The following WWOX variants were observed in gnomAD, a reference collection of about 807,000 sequenced individuals.
WWOX encodes WW domain-containing oxidoreductase.
Under a neutral mutation model 46.2 loss-of-function variants are expected in WWOX, and 69 were observed. That is an observed-to-expected ratio of 1.49 (90% CI 1.23 to 1.82). The LOEUF is 1.82. Ranked by LOEUF, WWOX falls within the 40% of genes most tolerant of loss-of-function variation. The pLI is 0.00. For missense variants in WWOX, 919 were observed against 542.6 expected, an observed-to-expected ratio of 1.69 and a Z score of -6.89; for synonymous variants, 359 against 202.6, an observed-to-expected ratio of 1.77 and a Z score of -6.56.
intron 4 of WWOX, among the ~76,000 whole-genome samples, chr16:78,149,778 C>A (rs1433774926): frequency 6.6e-6 from 1 of 152,142 alleles, no homozygotes; most frequent in Non-Finnish European, 1.5e-5. Flanking sequence ...AGTCAAGACC[C>A]TGTGGGGTGT....
At chr16:78,812,297 C>CA (rs1268126603) in intron 8 of WWOX, among the ~76,000 whole-genome samples, 1 of 152,140 alleles carries the variant, frequency 6.6e-6, no homozygotes, top group Admixed American at 6.6e-5. Flanking sequence ...AGCAGCCAGC[C>CA]ACAGGCCATC....
At chr16:78,509,510 A>G (rs1441013651) in intron 8 of WWOX, among the ~76,000 whole-genome samples, 1 of 152,000 alleles carries the variant, frequency 6.6e-6, no homozygotes, top group African/African-American at 2.4e-5. Flanking sequence ...ACCGCATGTG[A>G]CTATTAGCTG....
intron 5 of WWOX, among the ~76,000 whole-genome samples, chr16:78,185,921 C>G (rs960349187): frequency 6.6e-6 from 1 of 152,158 alleles, no homozygotes. Context: ...CCGCCTCGGC[C>G]TCCGAAAGCG....
At chr16:79,104,233 A>G (rs975198967) in intron 8 of WWOX, among the ~76,000 whole-genome samples, 5 of 152,198 alleles carry the variant, frequency 3.3e-5, no homozygotes, top group Non-Finnish European at 7.3e-5. Flanking sequence ...ATGTGGTAAC[A>G]TAGGGTTGCC....
chr16:78,895,210 C>A (rs536416560), intron 8 of WWOX, among the ~76,000 whole-genome samples: 1 of 152,320 alleles, frequency 6.6e-6, no homozygotes. Flanking sequence ...AGAATCTGGG[C>A]TTACCCAGTT....
chr16:79,145,628 CAA>C (rs1005610649), intron 8 of WWOX, among the ~76,000 whole-genome samples: 1 of 151,842 alleles, frequency 6.6e-6, no homozygotes, highest in South Asian at 2.1e-4. Flanking sequence ...TACAGTAAGA[CAA>C]AAAAAGTCTT....
intron 8 of WWOX, among the ~76,000 whole-genome samples, chr16:78,601,441 G>GGA (rs111564084): frequency 1.5e-4 from 21 of 144,046 alleles, no homozygotes; most frequent in Admixed American, 4.8e-4. Flanking sequence ...CCAGCAGAGA[G>GGA]AAAAAAAAAA....
rs1280504396 is a variant in WWOX at position 78,871,702 on chromosome 16, C to A, written c.1057-339906C>A. On this transcript the variant is annotated intron_variant, in intron 8 of 8. Transcript: ENST00000566780. ...GCAACCTCTGCCTTCTGGGTTCAAGCAATTCTCCTGCCTCAGCCTTCCAAG... is the reference window on the plus strand; with the variant it reads ...GCAACCTCTGCCTTCTGGGTTCAAGAAATTCTCCTGCCTCAGCCTTCCAAG... Among the ~76,000 whole-genome samples the A allele has an allele frequency of 3.9e-5, 6 of 152,178 alleles. No individual in the cohort carries two copies. The East Asian group carries it at 1.2e-3, about 29-fold the overall frequency.
chr16:78,333,043 C>CTTTTGTTTTTTTT (rs2080797895), intron 5 of WWOX, among the ~76,000 whole-genome samples: 1 of 57,094 alleles, frequency 1.8e-5, no homozygotes. Context: ...GAGCATTATA[C>CTTTTGTTTTTTTT]TTTTTTTTTT....
intron 8 of WWOX, among the ~76,000 whole-genome samples, chr16:78,964,951 G>T (rs2046337657): frequency 1.3e-5 from 2 of 152,248 alleles, no homozygotes; most frequent in South Asian, 2.1e-4. Context: ...TGTTGAGTGT[G>T]TGGGGGCACA....
intron 8 of WWOX, among the ~76,000 whole-genome samples, chr16:79,166,746 T>C (rs1273600240): frequency 6.6e-6 from 1 of 152,198 alleles, no homozygotes; most frequent in African/African-American, 2.4e-5. Context: ...AGATTATTCA[T>C]TACAATGAAG....
At chr16:78,710,237 G>C (rs1350302807) in intron 8 of WWOX, among the ~76,000 whole-genome samples, 3 of 151,516 alleles carry the variant, frequency 2.0e-5, no homozygotes, top group African/African-American at 7.3e-5. Flanking sequence ...CCTGGGGACT[G>C]GTTTCCTGAA....
intron 8 of WWOX, among the ~76,000 whole-genome samples, chr16:79,083,994 G>A (rs2048809119): frequency 6.6e-6 from 1 of 152,210 alleles, no homozygotes; most frequent in Non-Finnish European, 1.5e-5. Context: ...TGTAGTTTCT[G>A]TGGGGGCTGT....
intron 4 of WWOX, among the ~76,000 whole-genome samples, chr16:78,147,261 A>G (rs924853457): frequency 6.6e-6 from 1 of 151,978 alleles, no homozygotes; most frequent in Non-Finnish European, 1.5e-5. Context: ...AGTTTTTTAC[A>G]TTTTGCCTCT....
rs573471449 is a variant in WWOX, at chr16:78,869,648, AT to A, written c.1057-341955del. On this transcript the variant is annotated intron_variant, in intron 8 of 8. Coordinates refer to ENST00000566780, the MANE Select transcript of WWOX (RefSeq NM_016373.4). ...CATGATGGGTTACTGATTCTGCGGT[AT>A]TTTTGTGGACGTGGGGAGTGGTGGC... Among the ~76,000 whole-genome samples the A allele has an allele frequency of 1.9e-3, 293 of 152,244 alleles. 1 individual carries two copies. Among genetic ancestry groups the A allele is most frequent in the African/African-American group, 6.7e-3 (279 of 41,544 alleles).
chr16:79,007,635 C>T (rs2047216232), intron 8 of WWOX, among the ~76,000 whole-genome samples: 1 of 152,206 alleles, frequency 6.6e-6, no homozygotes, highest in Non-Finnish European at 1.5e-5. Flanking sequence ...TTATTATCTC[C>T]TTAAACCTCA....
chr16:78,135,119 G>C (rs1038214390), intron 4 of WWOX, among the ~76,000 whole-genome samples: 2 of 152,220 alleles, frequency 1.3e-5, no homozygotes, highest in Non-Finnish European at 2.9e-5. Flanking sequence ...GGGCCTTGCT[G>C]AGAAATAGAG....
At chr16:78,502,864 C>T (rs561398773) in intron 8 of WWOX, among the ~76,000 whole-genome samples, 2 of 152,288 alleles carry the variant, frequency 1.3e-5, no homozygotes, top group East Asian at 1.9e-4. Flanking sequence ...GGCTGAGCTC[C>T]TCCTTAGGTG....
intron 8 of WWOX, among the ~76,000 whole-genome samples, chr16:78,797,936 C>G (rs906329996): frequency 6.6e-6 from 1 of 152,288 alleles, no homozygotes; most frequent in East Asian, 1.9e-4. Context: ...GGTAGTGAGT[C>G]ATGGTCACAC....
Sources: gnomAD v4.1 joint callset for allele counts (sites outside exome capture counted in the v4.1 genomes callset) on GRCh38, gnomAD v4.1.1 for gene constraint, MANE v1.5 for transcripts, NCBI Gene and HGNC (gene_info 2026-07-23, HGNC 2026-07-21) for gene names.